Variants in BTD observed in about 807,000 individuals in gnomAD.
BTD encodes biocytinase.
In BTD, 13 loss-of-function variants were observed where a neutral mutation model predicts 17.7. The observed-to-expected ratio is 0.74, with a 90% CI of 0.48 to 1.17. BTD has a LOEUF of 1.17. Among genes scored for constraint, BTD ranks in the 50% most tolerant of loss-of-function variants. BTD has a pLI of 0.00. For synonymous variants in BTD, 240 were observed against 245.2 expected (o/e 0.98, Z 0.20); for missense variants, 674 against 650.4 (o/e 1.04, Z -0.39).
downstream of BTD, chr3:15,714,718 T>C: frequency 8.9e-7 from 1 of 1,122,608 alleles, no homozygotes; most frequent in South Asian, 1.7e-5. Flanking sequence ...ACCTTAGTTT[T>C]ACTTTGAATA....
intron 1 of BTD, among the ~76,000 whole-genome samples, chr3:15,609,623 T>G (rs2064556961): frequency 6.6e-6 from 1 of 152,226 alleles, no homozygotes; most frequent in South Asian, 2.1e-4. Flanking sequence ...GTGAAATGGC[T>G]TCTCAGTTCC....
rs1263948440 is a variant in BTD at position 15,643,989 on chromosome 3, T to A, written c.400-327T>A. On this transcript the variant is annotated intron_variant, in intron 3 of 3. Coordinates refer to ENST00000643237, the MANE Select transcript of BTD (RefSeq NM_001370658.1). The stretch of plus-strand genomic sequence containing the variant: ...TATTTAATTTATTTATTTATTTATT[T>A]ATTTATTTATTTATTTATTTATTTA... 9.0e-3 allele frequency among the ~76,000 whole-genome samples: 1,328 copies of A among 147,776 alleles called. 21 individuals carry two copies. Among genetic ancestry groups the A allele is most frequent in the African/African-American group, 0.03 (1,200 of 40,576 alleles).
chr3:15,717,325 T>C (rs2073184282), downstream of BTD, among the ~76,000 whole-genome samples: 1 of 152,082 alleles, frequency 6.6e-6, no homozygotes, highest in African/African-American at 2.4e-5. Context: ...TCAACATTTT[T>C]ACTTTCTACA....
chr3:15,641,979 ATT>A lies in BTD; in HGVS notation c.325_326del (p.Leu109GlyfsTer22). The A allele has an allele frequency of 6.2e-7, 1 of 1,614,076 alleles. No individual in the cohort carries two copies. Among genetic ancestry groups the A allele is most frequent in the Non-Finnish European group, 8.5e-7 (1 of 1,180,016 alleles). On this transcript the variant is annotated frameshift_variant, in exon 3 of 4. Transcript: ENST00000643237. LOFTEE classifies it high-confidence loss of function. ...ACTTTACAAGAACATCCATTTATCCATTTTTGGACTTCATGCCGTCTCCCCAG... is the reference window on the plus strand; with the variant it reads ...ACTTTACAAGAACATCCATTTATCCATTTGGACTTCATGCCGTCTCCCCAG... Reference protein sequence around the residue: ...FNFTRTSIYPFLDFMPSPQVV... With the variant: ...FNFTRTSIYPXLDFMPSPQVV...
At chr3:15,681,308 T>A (rs2067522638) in intron 3 of BTD, among the ~76,000 whole-genome samples, 1 of 152,184 alleles carries the variant, frequency 6.6e-6, no homozygotes, top group Admixed American at 6.5e-5. Context: ...TGATGGACAT[T>A]CAGTTGAATT....
intron 3 of BTD, among the ~76,000 whole-genome samples, chr3:15,661,265 C>CAAAAAAAAAAAA (rs56165902): frequency 5.0e-4 from 47 of 93,738 alleles, no homozygotes; most frequent in East Asian, 7.3e-4. Flanking sequence ...GACTCTGTCT[C>CAAAAAAAAAAAA]AAAAAAAAAA....
intron 1 of BTD, among the ~76,000 whole-genome samples, chr3:15,623,776 C>T (rs900984385): frequency 6.6e-6 from 1 of 152,162 alleles, no homozygotes; most frequent in Non-Finnish European, 1.5e-5. Context: ...TAGCACTTCC[C>T]ACTTAGCTCT....
chr3:15,707,383 TTTAC>T (rs2071600061), intron 3 of BTD, among the ~76,000 whole-genome samples: 1 of 152,236 alleles, frequency 6.6e-6, no homozygotes, highest in South Asian at 2.1e-4. Context: ...TTGGCCAACA[TTTAC>T]TTATTCTGCC....
intron 3 of BTD, among the ~76,000 whole-genome samples, chr3:15,660,350 G>A (rs2455801): frequency 0.52 from 79,625 of 152,080 alleles, 21,751 homozygotes; most frequent in Middle Eastern, 0.65. Flanking sequence ...CTCTGCATCC[G>A]TTGCTACCCA....
In BTD at chr3:15,649,808, A is replaced by G. The variant is rs975011760; in HGVS notation, c.*4320A>G. 2.6e-5 allele frequency among the ~76,000 whole-genome samples: 4 copies of G among 151,792 alleles called. No individual in the cohort carries two copies. The highest frequency in any genetic ancestry group is 9.7e-5 in the African/African-American group (4 of 41,408). ...CAGTTCACAGAGCCCTTTCTCATTG[A>G]ACTATTTATCTGAGTTCCCTCTGCC... On this transcript the variant is annotated 3_prime_UTR_variant, in exon 4 of 4. Transcript: ENST00000643237.
rs768877292 is a variant in BTD, at chr3:15,601,757, C to G, written c.-154C>G. 1 of 1,601,472 alleles carries G rather than the reference C, an allele frequency of 6.2e-7. No individual in the cohort carries two copies. Among genetic ancestry groups the G allele is most frequent in the African/African-American group, 1.3e-5 (1 of 74,966 alleles). On this transcript the variant is annotated 5_prime_UTR_variant, in exon 1 of 4. Transcript: ENST00000643237. Reference sequence around the variant, plus strand: ...AGGCGGGACTAGCAGGAGATTGCTGCCTATGCAAAGCAGGTAAGAAGCCGA... The same window carrying G: ...AGGCGGGACTAGCAGGAGATTGCTGGCTATGCAAAGCAGGTAAGAAGCCGA...
At chr3:15,640,755 A>C (rs2065477085) in intron 2 of BTD, among the ~76,000 whole-genome samples, 1 of 152,176 alleles carries the variant, frequency 6.6e-6, no homozygotes, top group Admixed American at 6.5e-5. Context: ...TATTATCTCC[A>C]TTATATACAC....
At chr3:15,692,562 GAGA>G (rs903842951) in intron 3 of BTD, among the ~76,000 whole-genome samples, 25 of 152,240 alleles carry the variant, frequency 1.6e-4, no homozygotes, top group African/African-American at 5.3e-4. Context: ...ATGGGACTGA[GAGA>G]AGAAGTCCAA....
intron 3 of BTD, among the ~76,000 whole-genome samples, chr3:15,701,036 A>T (rs1021207392): frequency 6.6e-6 from 1 of 152,186 alleles, no homozygotes; most frequent in Non-Finnish European, 1.5e-5. Flanking sequence ...TGGGGAAAAA[A>T]TTCTTTAATC....
intron 3 of BTD, among the ~76,000 whole-genome samples, chr3:15,685,728 T>G (rs2068035794): frequency 6.6e-6 from 1 of 152,170 alleles, no homozygotes; most frequent in African/African-American, 2.4e-5. Context: ...TTAAAGTGTA[T>G]AAGAAAATAA....
intron 3 of BTD, among the ~76,000 whole-genome samples, chr3:15,688,382 C>G (rs905886066): frequency 6.6e-6 from 1 of 152,160 alleles, no homozygotes; most frequent in Non-Finnish European, 1.5e-5. Context: ...CTCAGCCTCC[C>G]AAGTTAGGTG....
At chr3:15,624,284 G>A (rs1366308343) in intron 1 of BTD, among the ~76,000 whole-genome samples, 3 of 152,014 alleles carry the variant, frequency 2.0e-5, no homozygotes, top group Non-Finnish European at 4.4e-5. Flanking sequence ...ATATTAATCT[G>A]GGGAAATTCT....
intron 3 of BTD, among the ~76,000 whole-genome samples, chr3:15,661,265 CAA>C (rs56165902): frequency 0.015 from 1,401 of 93,512 alleles, 1 homozygote; most frequent in African/African-American, 0.055. Flanking sequence ...GACTCTGTCT[CAA>C]AAAAAAAAAA....
At chr3:15,601,404 G>C, upstream of BTD, 1 of 1,614,070 alleles carries the variant, frequency 6.2e-7, no homozygotes, top group East Asian at 2.2e-5. Flanking sequence ...GGGCCTGAGC[G>C]ATGACTTTAG....
Sources: gnomAD v4.1 joint callset for allele counts (sites outside exome capture counted in the v4.1 genomes callset) on GRCh38, gnomAD v4.1.1 for gene constraint, MANE v1.5 for transcripts, NCBI Gene and HGNC (gene_info 2026-07-23, HGNC 2026-07-21) for gene names.